The following NALCN variants were observed in gnomAD, a reference collection of about 807,000 sequenced individuals.
NALCN encodes the protein sodium leak channel NALCN.
A neutral mutation model predicts 225.3 loss-of-function variants in NALCN; 111 were observed. The observed-to-expected ratio is 0.49, with a 90% CI of 0.42 to 0.58. NALCN has a LOEUF of 0.58. Among genes scored for constraint, NALCN ranks in the 20% least tolerant of loss-of-function variants. The pLI, the probability that NALCN is intolerant of heterozygous loss-of-function variation, is 0.00. For missense variants in NALCN, 1,378 were observed against 2,202.4 expected, an observed-to-expected ratio of 0.63 and a Z score of 7.49; for synonymous variants, 764 against 769.0, an observed-to-expected ratio of 0.99 and a Z score of 0.11.
intron 22 of NALCN, among the ~76,000 whole-genome samples, chr13:101,105,614 G>A (rs2035053304): frequency 7.2e-6 from 1 of 138,896 alleles, no homozygotes. Context: ...GGTACAGGCA[G>A]CCAACAGGAT....
chr13:101,065,565 C>A lies in NALCN; in HGVS notation c.4447-4G>T. 1 of 1,613,124 alleles carries A rather than the reference C, an allele frequency of 6.2e-7. No homozygotes were observed. Among genetic ancestry groups the A allele is most frequent in the Non-Finnish European group, 8.5e-7 (1 of 1,179,854 alleles). ...CGCGGAACGTGGGGATCACCCCCTG[C>A]GGGGCAGAGCACAAGAAGTAGCAAA... is the stretch of plus-strand genomic sequence containing the variant. On this transcript the variant is annotated splice_region_variant and splice_polypyrimidine_tract_variant and intron_variant, in intron 39 of 43. Transcript: ENST00000251127.
intron 10 of NALCN, among the ~76,000 whole-genome samples, chr13:101,264,615 T>G (rs1251713361): frequency 6.6e-6 from 1 of 152,136 alleles, no homozygotes; most frequent in African/African-American, 2.4e-5. Context: ...TTCGTGAGCA[T>G]GTTGAATTTT....
At chr13:101,161,080 A>T (rs536464574) in intron 15 of NALCN, among the ~76,000 whole-genome samples, 1 of 152,382 alleles carries the variant, frequency 6.6e-6, no homozygotes, top group Non-Finnish European at 1.5e-5. Flanking sequence ...ACCTTCCAGT[A>T]TTATGAAAAC....
chr13:101,239,076 C>T lies in NALCN; in HGVS notation c.1267-1154G>A, dbSNP rs1594506014. Among the ~76,000 whole-genome samples the T allele has an allele frequency of 3.9e-5, 6 of 152,028 alleles. No individual in the cohort carries two copies. In the South Asian group the frequency reaches 1.0e-3, roughly 26 times the overall value. ...GAAATGATCTTAAGTCCACAAAACACGTGGATGAACTCCTTTGCCCACGTT... is the reference window on the plus strand; with the variant it reads ...GAAATGATCTTAAGTCCACAAAACATGTGGATGAACTCCTTTGCCCACGTT... On this transcript the variant is annotated intron_variant, in intron 11 of 43. Transcript: ENST00000251127.
chr13:101,317,113 T>A lies in NALCN; in HGVS notation c.800-24747A>T, dbSNP rs1415869. ...AATTAACCAAAGCCAAATTTTGTTTTCGAGGGATTAAATGGCTATTTCCTG... is the reference window on the plus strand; with the variant it reads ...AATTAACCAAAGCCAAATTTTGTTTACGAGGGATTAAATGGCTATTTCCTG... On this transcript the variant is annotated intron_variant, in intron 7 of 43. Coordinates refer to ENST00000251127, the MANE Select transcript of NALCN (RefSeq NM_052867.4). Among the ~76,000 whole-genome samples the A allele has an allele frequency of 6.0e-3, 908 of 152,288 alleles. 7 individuals are homozygous for A. The highest frequency in any genetic ancestry group is 0.02 in the African/African-American group (839 of 41,556).
At chr13:101,108,762 G>C (rs2035277577) in intron 20 of NALCN, among the ~76,000 whole-genome samples, 1 of 152,192 alleles carries the variant, frequency 6.6e-6, no homozygotes, top group Non-Finnish European at 1.5e-5. Flanking sequence ...TGCAAGGCCA[G>C]AGTTCCAGTA....
intron 16 of NALCN, among the ~76,000 whole-genome samples, 177 bp from the exon 17 acceptor site, chr13:101,143,398 G>A (rs1409283581): frequency 1.3e-5 from 2 of 151,990 alleles, no homozygotes; most frequent in Admixed American, 1.3e-4. Context: ...AGTGACTCCT[G>A]CTTAAAAAGC....
At chr13:101,404,072 C>G (rs1003301033) in intron 1 of NALCN, among the ~76,000 whole-genome samples, 1 of 152,160 alleles carries the variant, frequency 6.6e-6, no homozygotes, top group Non-Finnish European at 1.5e-5. Context: ...CCTCCATGTT[C>G]CTGACATGGA....
chr13:101,169,934 G>T (rs1292955148), intron 15 of NALCN, among the ~76,000 whole-genome samples: 1 of 152,226 alleles, frequency 6.6e-6, no homozygotes, highest in Non-Finnish European at 1.5e-5. Context: ...ATGAGAGACT[G>T]ACAAAATGCT....
At chr13:101,150,437 T>C (rs2037589846) in intron 15 of NALCN, among the ~76,000 whole-genome samples, 1 of 152,330 alleles carries the variant, frequency 6.6e-6, no homozygotes, top group African/African-American at 2.4e-5. Context: ...ATTCCATTCT[T>C]ACTTCGGCAC....
chr13:101,322,492 T>G (rs773221970), intron 7 of NALCN, among the ~76,000 whole-genome samples: 1 of 152,206 alleles, frequency 6.6e-6, no homozygotes, highest in South Asian at 2.1e-4. Context: ...GTTTATTAAT[T>G]CAATATTTTT....
At chr13:101,131,463 C>T (rs1015828413) in intron 17 of NALCN, among the ~76,000 whole-genome samples, 10 of 152,088 alleles carry the variant, frequency 6.6e-5, no homozygotes, top group African/African-American at 9.7e-5. Flanking sequence ...TTTAATATAT[C>T]GATCAAATAT....
Position 101,242,383 on chromosome 13 carries a change from CT to C in NALCN, c.1267-4462del, listed in dbSNP as rs2041783583. On this transcript the variant is annotated intron_variant, in intron 11 of 43. Transcript: ENST00000251127. The stretch of plus-strand genomic sequence containing the variant: ...CGACTTGGTTTTTCTAATCTCCTGG[CT>C]TAATTCTCAATGGTTAGACATCAAA... Among the ~76,000 whole-genome samples the C allele has an allele frequency of 1.9e-5, 2 of 105,196 alleles. 1 individual carries two copies. Among genetic ancestry groups the C allele is most frequent in the Non-Finnish European group, 4.2e-5 (2 of 47,292 alleles). The allele number at this position is 105,196 out of a possible 152,430, so 69.0% of individuals were successfully genotyped here. A position where few individuals can be genotyped will look rare whatever the true frequency, so the allele number is the denominator to read the frequency against.
intron 9 of NALCN, among the ~76,000 whole-genome samples, chr13:101,286,527 G>A (rs1051450144): frequency 6.6e-6 from 1 of 152,132 alleles, no homozygotes; most frequent in East Asian, 1.9e-4. Context: ...GTCTGGATCC[G>A]TGGCAACACA....
chr13:101,223,535 G>A (rs2041026707), intron 13 of NALCN, among the ~76,000 whole-genome samples: 1 of 151,994 alleles, frequency 6.6e-6, no homozygotes, highest in South Asian at 2.1e-4. Context: ...TAATGGCCCT[G>A]AATTCATTTC....
At chr13:101,410,217 C>A (rs775966269) in intron 1 of NALCN, among the ~76,000 whole-genome samples, 102 of 152,318 alleles carry the variant, frequency 6.7e-4, no homozygotes, top group Admixed American at 9.2e-4. Context: ...AAATCAGAAT[C>A]TTTAAGGGTG....
Position 101,074,657 on chromosome 13 carries a change from C to G in NALCN, c.3960G>C (p.Thr1320=), listed in dbSNP as rs199629504. The G allele has an allele frequency of 1.3e-6, 2 of 1,599,454 alleles. No individual in the cohort carries two copies. Among genetic ancestry groups the G allele is most frequent in the East Asian group, 2.3e-5 (1 of 44,410 alleles). The change falls in exon 36 of 44, where the codon ACG becomes ACC. Residue 1320 remains threonine, a synonymous_variant. Transcript: ENST00000251127. ...RFFSICGKHV[T]LKMLLLTVVV... is the part of the protein sequence containing the mutation. The stretch of plus-strand genomic sequence containing the variant: ...CCACTGTCAAGAGGAGCATCTTTAG[C>G]GTTACCTGGGGACCAGGGGTGGGAA...
chr13:101,108,418 C>G (rs1339891562), intron 20 of NALCN, among the ~76,000 whole-genome samples: 1 of 152,004 alleles, frequency 6.6e-6, no homozygotes, highest in Non-Finnish European at 1.5e-5. Flanking sequence ...AAAAATAATT[C>G]AAAATAAGTA....
rs1305000573 is a variant in NALCN at position 101,089,315 on chromosome 13, T to C, written c.3489+348A>G. Among the ~76,000 whole-genome samples the C allele has an allele frequency of 1.3e-5, 2 of 152,254 alleles. No individual in the cohort carries two copies. Among genetic ancestry groups the C allele is most frequent in the African/African-American group, 4.8e-5 (2 of 41,470 alleles). ...ACAGAAGCATACAATTTACATTTAG[T>C]GAAAGTAATATTACCTGTAATTAGC... On this transcript the variant is annotated intron_variant, in intron 30 of 43. Coordinates refer to ENST00000251127, the MANE Select transcript of NALCN (RefSeq NM_052867.4). This position sits in a 1 kb window ranked among gnomAD's most constrained non-coding sequence, Gnocchi z 4.7.
Sources: allele counts gnomAD v4.1 joint callset (sites outside exome capture counted in the v4.1 genomes callset), GRCh38; gene constraint gnomAD v4.1.1; non-coding constraint Gnocchi (gnomAD v3.1); transcripts MANE v1.5; gene names NCBI Gene and HGNC (gene_info 2026-07-23, HGNC 2026-07-21).